The following DZANK1 variants were observed in gnomAD, a reference collection of about 807,000 sequenced individuals.
DZANK1 encodes the protein double zinc ribbon and ankyrin repeat domains 1, also known as double zinc ribbon and ankyrin repeat-containing protein 1.
A neutral mutation model predicts 94.5 loss-of-function variants in DZANK1; 91 were observed. The ratio of observed to expected loss-of-function variants is 0.96; its 90% CI spans 0.81 to 1.15. DZANK1 has a LOEUF of 1.15. Ranked by LOEUF, DZANK1 falls within the 50% of genes most tolerant of loss-of-function variation. The probability of loss-of-function intolerance (pLI) is 0.00; values close to 1 mark genes in which losing one functional copy is unlikely to be tolerated. For missense variants in DZANK1, 903 were observed against 916.4 expected (o/e 0.99, Z 0.19); for synonymous variants, 312 against 325.3 (o/e 0.96, Z 0.44).
At chr20:18,413,046 G>A in intron 12 of DZANK1, 193 bp from the exon 13 acceptor site, 2 of 612,144 alleles carry the variant, frequency 3.3e-6, no homozygotes, top group Non-Finnish European at 2.8e-6. Context: ...GCCTGATCCA[G>A]GATTAGCCAT....
rs370733410 is a variant in DZANK1, at chr20:18,404,500, GACAA to G, written c.1433-5878_1433-5875del. 1.1e-3 allele frequency among the ~76,000 whole-genome samples: 167 copies of G among 152,148 alleles called. 2 individuals are homozygous for G. The highest frequency in any genetic ancestry group is 3.7e-3 in the African/African-American group (153 of 41,496). On this transcript the variant is annotated intron_variant, in intron 13 of 20. Transcript: ENST00000262547. ...GTTCACTAAAATGAACAGACAAACA[GACAA>G]ACAAATAACAATAACAAGCCTGGAA...
intron 13 of DZANK1, among the ~76,000 whole-genome samples, chr20:18,409,052 AGTTT>A (rs2057102132): frequency 6.6e-6 from 1 of 152,218 alleles, no homozygotes; most frequent in Admixed American, 6.5e-5. Flanking sequence ...CCATTTTGCA[AGTTT>A]GTTTGTTTAT....
chr20:18,423,297 A>T (rs2057881664), intron 10 of DZANK1, among the ~76,000 whole-genome samples: 1 of 152,202 alleles, frequency 6.6e-6, no homozygotes, highest in Admixed American at 6.5e-5. Context: ...TTTCCCTGTC[A>T]TTAAGTGATG....
intron 10 of DZANK1, among the ~76,000 whole-genome samples, chr20:18,417,745 C>T (rs559238564): frequency 1.4e-4 from 22 of 152,010 alleles, no homozygotes; most frequent in African/African-American, 5.1e-4. Context: ...GTAATGATAG[C>T]ATAAGACCAT....
intron 13 of DZANK1, among the ~76,000 whole-genome samples, chr20:18,402,340 T>G (rs1478882248): frequency 2.6e-5 from 4 of 152,050 alleles, no homozygotes; most frequent in African/African-American, 7.2e-5. Context: ...AGCTTCCCGA[T>G]GAGATCTCAG....
chr20:18,415,250 A>C (rs2057434249), intron 11 of DZANK1, 77 bp downstream of exon 11: 11 of 1,322,940 alleles, frequency 8.3e-6, no homozygotes, highest in Non-Finnish European at 7.8e-6. Flanking sequence ...CTGCAAGGCC[A>C]TGGAAGAAGT....
At chr20:18,461,711 T>C (rs1218986938) in intron 2 of DZANK1, among the ~76,000 whole-genome samples, 1 of 151,962 alleles carries the variant, frequency 6.6e-6, no homozygotes, top group Non-Finnish European at 1.5e-5. Flanking sequence ...GCGATTCTCC[T>C]GCCTGAACCT....
In DZANK1 at chr20:18,460,226, T is replaced by C. The variant is rs372250949; in HGVS notation, c.190A>G (p.Asn64Asp). The change falls in exon 3 of 21, where the codon AAC (asparagine) becomes GAC (aspartate). Residue 64 changes from asparagine to aspartate, a missense_variant. Transcript: ENST00000262547. Reference sequence around the variant, plus strand: ...ATAGGTTTTATATACTTAAATGTGTTATTTTCCCCATAACCAATTCTCTTT... The same window carrying C: ...ATAGGTTTTATATACTTAAATGTGTCATTTTCCCCATAACCAATTCTCTTT... 183 of 1,595,410 alleles carry C rather than the reference T, an allele frequency of 1.1e-4. No individual in the cohort carries two copies. Among genetic ancestry groups the C allele is most frequent in the Non-Finnish European group, 1.5e-4 (174 of 1,167,426 alleles).
chr20:18,385,096 G>A lies in DZANK1; in HGVS notation c.2019-6C>T. 1 of 1,552,374 alleles carries A rather than the reference G, an allele frequency of 6.4e-7. No homozygotes were observed. Among genetic ancestry groups the A allele is most frequent in the East Asian group, 2.4e-5 (1 of 41,006 alleles). On this transcript the variant is annotated splice_polypyrimidine_tract_variant and splice_region_variant and intron_variant, in intron 19 of 20. Coordinates refer to ENST00000262547, the Ensembl canonical transcript of DZANK1. ...GAAGAGCTGTATTTCTGAGCCTAAT[G>A]AGGGGGGAAAAATCCTGGATAAATC...
intron 2 of DZANK1, 139 bp from the exon 3 acceptor site, chr20:18,460,445 CTT>C (rs997901442): frequency 2.8e-6 from 2 of 718,866 alleles, no homozygotes; most frequent in African/African-American, 3.6e-5. Context: ...AAAGTTGTGA[CTT>C]AGGACAGGCA....
chr20:18,420,874 C>T lies in DZANK1; in HGVS notation c.955-5425G>A, dbSNP rs117097041. 405 of 155,212 alleles carry T rather than the reference C, an allele frequency of 2.6e-3. 9 individuals are homozygous for T. Among genetic ancestry groups the T allele is most frequent in the Admixed American group, 0.022 (340 of 15,460 alleles). 9.6% of individuals were successfully genotyped at this position (155,212 alleles called of 1,614,324 possible). A position where few individuals can be genotyped will look rare whatever the true frequency, so the allele number is the denominator to read the frequency against. ...CATGCAGTTGAGGTCAGCCAGAACC[C>T]GACTCCACAAGGCATAAACCAGACT... is the stretch of plus-strand genomic sequence containing the variant. On this transcript the variant is annotated intron_variant, in intron 10 of 20. Transcript: ENST00000262547.
chr20:18,452,979 C>T (rs1264251325), intron 5 of DZANK1, among the ~76,000 whole-genome samples: 1 of 152,194 alleles, frequency 6.6e-6, no homozygotes, highest in Admixed American at 6.5e-5. Context: ...TATTCCACTT[C>T]AGGCTGGGAA....
At chr20:18,452,869 A>G in intron 5 of DZANK1, 130 bp from the exon 6 acceptor site, 1 of 962,328 alleles carries the variant, frequency 1.0e-6, no homozygotes, top group Non-Finnish European at 1.5e-6. Flanking sequence ...AGAAGTAACA[A>G]TTATATAAAG....
chr20:18,454,623 A>G (rs1478678330), intron 4 of DZANK1: 1 of 154,764 alleles, frequency 6.5e-6, no homozygotes, highest in East Asian at 1.9e-4. Context: ...CTTTGCAGAT[A>G]TTTGGGAATA....
At chr20:18,448,686 G>A (rs980545561) in intron 7 of DZANK1, among the ~76,000 whole-genome samples, 1 of 151,992 alleles carries the variant, frequency 6.6e-6, no homozygotes, top group East Asian at 1.9e-4. Context: ...GGCCAACATG[G>A]TAAAACCCCG....
chr20:18,387,782 G>C (rs942251802), intron 19 of DZANK1, among the ~76,000 whole-genome samples: 1 of 152,200 alleles, frequency 6.6e-6, no homozygotes, highest in African/African-American at 2.4e-5. Context: ...AATTAGGAAA[G>C]AGTTTTCTGC....
chr20:18,429,990 C>T (rs2148590104), intron 9 of DZANK1, among the ~76,000 whole-genome samples: 1 of 152,308 alleles, frequency 6.6e-6, no homozygotes, highest in Middle Eastern at 3.4e-3. Flanking sequence ...TCCTCATTTG[C>T]TATTTCATCC....
intron 10 of DZANK1, chr20:18,420,930 G>C (rs993614770): frequency 6.5e-6 from 1 of 154,956 alleles, no homozygotes; most frequent in African/African-American, 2.4e-5. Context: ...AGATGTTACT[G>C]AAATGACCCA....
chr20:18,460,366 T>C (rs1334620258), intron 2 of DZANK1, 60 bp from the exon 3 acceptor site: 8 of 1,238,066 alleles, frequency 6.5e-6, no homozygotes, highest in Non-Finnish European at 8.8e-6. Context: ...CCCTGAATAA[T>C]GCCTATAGGT....
Sources: allele counts gnomAD v4.1 joint callset (sites outside exome capture counted in the v4.1 genomes callset), GRCh38; gene constraint gnomAD v4.1.1; transcripts MANE v1.5; gene names NCBI Gene and HGNC (gene_info 2026-07-23, HGNC 2026-07-21).